The following BICC1 variants were observed in gnomAD, a reference collection of about 807,000 sequenced individuals.
BICC1 encodes BicC family RNA binding protein 1.
BICC1 carries 43 observed loss-of-function variants against 111.0 expected under a neutral mutation model. That is an observed-to-expected ratio of 0.39 (90% CI 0.30 to 0.50). BICC1 has a LOEUF of 0.50. Among genes scored for constraint, BICC1 ranks in the 20% least tolerant of loss-of-function variants. The probability of loss-of-function intolerance (pLI) is 0.88; values close to 1 mark genes in which losing one functional copy is unlikely to be tolerated. For missense variants in BICC1, 1,091 were observed against 1,203.2 expected, an observed-to-expected ratio of 0.91 and a Z score of 1.38; for synonymous variants, 467 against 434.4, an observed-to-expected ratio of 1.07 and a Z score of -0.93.
chr10:58,797,193 C>T (rs185634694), intron 10 of BICC1, among the ~76,000 whole-genome samples: 92 of 152,306 alleles, frequency 6.0e-4, no homozygotes, highest in African/African-American at 2.1e-3. Flanking sequence ...TGCTGTATTA[C>T]AGTTTTGCTA....
chr10:58,780,627 G>A (rs1052954859), intron 3 of BICC1, among the ~76,000 whole-genome samples: 1 of 152,112 alleles, frequency 6.6e-6, no homozygotes, highest in Non-Finnish European at 1.5e-5. Flanking sequence ...TGGGAAGGAG[G>A]TTTAGGGGCC....
At chr10:58,700,523 G>C (rs964995416) in intron 2 of BICC1, among the ~76,000 whole-genome samples, 1 of 152,202 alleles carries the variant, frequency 6.6e-6, no homozygotes, top group Non-Finnish European at 1.5e-5. Context: ...AGGTGCTGTA[G>C]GATTAAGGTA....
chr10:58,701,895 T>A (rs1424718877), intron 2 of BICC1, among the ~76,000 whole-genome samples, 179 bp from the exon 3 acceptor site: 1 of 152,090 alleles, frequency 6.6e-6, no homozygotes, highest in Non-Finnish European at 1.5e-5. Context: ...ATTAAAGGCT[T>A]ATAAAAACAT....
chr10:58,686,833 A>C (rs1839745534), intron 2 of BICC1, among the ~76,000 whole-genome samples: 1 of 152,014 alleles, frequency 6.6e-6, no homozygotes, highest in Non-Finnish European at 1.5e-5. Context: ...TAGCTCAGAG[A>C]AGTTTGTTAT....
chr10:58,659,793 G>A (rs1838780976), intron 2 of BICC1, among the ~76,000 whole-genome samples: 1 of 152,126 alleles, frequency 6.6e-6, no homozygotes, highest in Admixed American at 6.5e-5. Flanking sequence ...GAAAATAGTA[G>A]TTATTGGTGA....
intron 3 of BICC1, among the ~76,000 whole-genome samples, chr10:58,716,819 G>A (rs1840759296): frequency 1.3e-5 from 2 of 151,336 alleles, no homozygotes; most frequent in African/African-American, 2.5e-5. Flanking sequence ...TAGCAGAATA[G>A]TGTGCCTTTG....
intron 2 of BICC1, among the ~76,000 whole-genome samples, chr10:58,652,778 T>C (rs1838490486): frequency 6.6e-6 from 1 of 152,138 alleles, no homozygotes; most frequent in Non-Finnish European, 1.5e-5. Context: ...GAATGTGGCT[T>C]CTTTTTACTT....
intron 3 of BICC1, chr10:58,716,374 C>G: frequency 8.3e-7 from 1 of 1,209,534 alleles, no homozygotes; most frequent in Non-Finnish European, 1.1e-6. Flanking sequence ...TATTTACTAA[C>G]ATGCATGAAT....
intron 2 of BICC1, among the ~76,000 whole-genome samples, chr10:58,675,072 C>G (rs927680176): frequency 6.6e-6 from 1 of 152,096 alleles, no homozygotes; most frequent in Admixed American, 6.5e-5. Context: ...AGAAGATTGT[C>G]TTGGATTATG....
intron 2 of BICC1, among the ~76,000 whole-genome samples, chr10:58,629,064 C>T (rs959651525): frequency 2.6e-5 from 4 of 152,188 alleles, no homozygotes; most frequent in African/African-American, 9.7e-5. Context: ...ATAGTGAGAA[C>T]TCCTGCATGC....
intron 3 of BICC1, among the ~76,000 whole-genome samples, chr10:58,740,801 G>T (rs759865852): frequency 1.3e-5 from 2 of 152,142 alleles, no homozygotes; most frequent in African/African-American, 4.8e-5. Context: ...TGAATTGTTC[G>T]CCAGATGGAG....
chr10:58,725,929 A>G (rs533365487), intron 3 of BICC1, among the ~76,000 whole-genome samples: 1 of 152,204 alleles, frequency 6.6e-6, no homozygotes, highest in African/African-American at 2.4e-5. Context: ...ATGGTTGCAC[A>G]CTTTATAAAG....
Position 58,784,996 on chromosome 10 carries a change from T to C in BICC1, c.308-5T>C. 1 of 1,530,666 alleles carries C rather than the reference T, an allele frequency of 6.5e-7. No individual in the cohort carries two copies. Among genetic ancestry groups the C allele is most frequent in the Non-Finnish European group, 9.0e-7 (1 of 1,116,934 alleles). 94.8% of individuals were successfully genotyped at this position (1,530,666 alleles called of 1,614,324 possible). A position where few individuals can be genotyped will look rare whatever the true frequency, so the allele number is the denominator to read the frequency against. On this transcript the variant is annotated splice_region_variant and splice_polypyrimidine_tract_variant and intron_variant, in intron 3 of 20. Transcript: ENST00000373886. ...TCACACAAGCCTTTTATTTCTTTCT[T>C]ATAGATCCCCATATTAAGGTTTCTG...
Position 58,789,493 on chromosome 10 carries a change from A to C in BICC1, c.795+37A>C, listed in dbSNP as rs771485499. The C allele has an allele frequency of 5.8e-6, 9 of 1,554,056 alleles. No homozygotes were observed. The African/African-American group carries it at 1.2e-4, about 21-fold the overall frequency. ...AGATAATTCTGCACATCCTATATGT[A>C]CAAGTTACATGAGTTTCATTTTTAA... On this transcript the variant is annotated intron_variant, in intron 7 of 20. Transcript: ENST00000373886.
chr10:58,806,737 T>G (rs1843721175), intron 16 of BICC1, 114 bp downstream of exon 16: 4 of 1,010,156 alleles, frequency 4.0e-6, no homozygotes, highest in Non-Finnish European at 6.0e-6. Context: ...AAACCTAGAA[T>G]ATTTGGGTTC....
At chr10:58,555,586 A>G (rs971111949) in intron 1 of BICC1, among the ~76,000 whole-genome samples, 13 of 152,112 alleles carry the variant, frequency 8.5e-5, no homozygotes, top group Admixed American at 2.6e-4. Flanking sequence ...TCTTCTCACA[A>G]TAATGATTAG....
At chr10:58,782,237 C>T (rs1455383986) in intron 3 of BICC1, among the ~76,000 whole-genome samples, 1 of 152,104 alleles carries the variant, frequency 6.6e-6, no homozygotes, top group African/African-American at 2.4e-5. Context: ...GCTCCCTGTC[C>T]CTCTATGTAT....
chr10:58,598,246 G>A lies in BICC1; in HGVS notation c.191-22609G>A, dbSNP rs542327724. ...CAAATCTGGAGGCATCACGCTACCTGATTTCAAACTATACCACAAAACGAC... is the reference window on the plus strand; with the variant it reads ...CAAATCTGGAGGCATCACGCTACCTAATTTCAAACTATACCACAAAACGAC... On this transcript the variant is annotated intron_variant, in intron 1 of 20. Transcript: ENST00000373886. 1.3e-3 allele frequency among the ~76,000 whole-genome samples: 205 copies of A among 152,140 alleles called. 3 individuals are homozygous for A. In the South Asian group the frequency reaches 0.04, roughly 30 times the overall value.
At chr10:58,630,894 A>G (rs1353546880) in intron 2 of BICC1, among the ~76,000 whole-genome samples, 5 of 152,130 alleles carry the variant, frequency 3.3e-5, no homozygotes, top group South Asian at 2.1e-4. Context: ...AAATATGTAT[A>G]CTGCAGCAAT....
Sources: gnomAD v4.1 joint callset for allele counts (sites outside exome capture counted in the v4.1 genomes callset) on GRCh38, gnomAD v4.1.1 for gene constraint, MANE v1.5 for transcripts, NCBI Gene and HGNC (gene_info 2026-07-23, HGNC 2026-07-21) for gene names.